Variants in RAPGEF1 observed in about 807,000 individuals in gnomAD.
RAPGEF1 encodes Rap guanine nucleotide exchange factor 1.
RAPGEF1 carries 33 observed loss-of-function variants against 143.3 expected under a neutral mutation model. The ratio of observed to expected loss-of-function variants is 0.23; its 90% CI spans 0.17 to 0.31. RAPGEF1 has a LOEUF of 0.31. Among genes scored for constraint, RAPGEF1 ranks in the 10% least tolerant of loss-of-function variants. RAPGEF1 has a pLI of 1.00. For missense variants in RAPGEF1, 1,199 were observed against 1,645.4 expected (o/e 0.73, Z 4.69); for synonymous variants, 629 against 676.5 (o/e 0.93, Z 1.09).
chr9:131,673,714 G>C (rs2130821482), intron 1 of RAPGEF1, among the ~76,000 whole-genome samples: 1 of 152,278 alleles, frequency 6.6e-6, no homozygotes, highest in Middle Eastern at 3.4e-3. Context: ...CCACCCAACA[G>C]AGAGGAAAGG....
At position 131,579,625 on chromosome 9, in the gene RAPGEF1, C is replaced by A. The variant is rs753363267; in HGVS notation, c.3664G>T (p.Asp1222Tyr). 6.2e-7 allele frequency: 1 copy of A among 1,614,002 alleles called. No homozygotes were observed. Among genetic ancestry groups the A allele is most frequent in the South Asian group, 1.1e-5 (1 of 91,078 alleles). ...QQAHYDMRRN[D>Y]DIINFFNDFS... ...TCATTGAAGAAGTTTATAATGTCGT[C>A]GTTCCTCCGCATGTCATAGTGCCTG... The change falls in exon 27 of 27, where the codon GAC becomes TAC. Residue 1222 changes from aspartate to tyrosine, a missense_variant. Physicochemically the swap from Asp to Tyr is radical, Grantham distance 160 (BLOSUM62 -3). Around this residue, in one of 6 missense-constraint regions of RAPGEF1, gnomAD observed 67 missense variants for 105.4 expected, o/e 0.64. Transcript: ENST00000683357.
intron 18 of RAPGEF1, among the ~76,000 whole-genome samples, chr9:131,590,985 CCA>C (rs1954131970): frequency 2.0e-5 from 3 of 152,182 alleles, no homozygotes; most frequent in South Asian, 2.1e-4. Context: ...TTATACACAC[CCA>C]CACACACATA....
chr9:131,642,705 T>C (rs533670971), intron 4 of RAPGEF1, among the ~76,000 whole-genome samples: 14 of 152,204 alleles, frequency 9.2e-5, no homozygotes, highest in African/African-American at 1.4e-4. Context: ...GCCTCCAGGC[T>C]GCTGTGTAAC....
chr9:131,628,760 T>G lies in RAPGEF1; in HGVS notation c.894-88A>C. 1 of 1,483,674 alleles carries G rather than the reference T, an allele frequency of 6.7e-7. No homozygotes were observed. Among genetic ancestry groups the G allele is most frequent in the East Asian group, 2.3e-5 (1 of 43,442 alleles). The allele number at this position is 1,483,674 out of a possible 1,614,324, so 91.9% of individuals were successfully genotyped here. ...ATTGGGGTACAGGATGTGGGGTTCT[T>G]TCATTACTAGACTCTCCACACCCAA... On this transcript the variant is annotated intron_variant, in intron 7 of 26. Coordinates refer to ENST00000683357, the MANE Select transcript of RAPGEF1 (RefSeq NM_001377935.1). The surrounding 1 kb of genome is among the most constrained non-coding windows in gnomAD (Gnocchi z 5.7).
At chr9:131,719,553 CTTTTTTTT>C (rs34413859) in intron 1 of RAPGEF1, among the ~76,000 whole-genome samples, 6 of 72,398 alleles carry the variant, frequency 8.3e-5, no homozygotes, top group African/African-American at 1.9e-4. Flanking sequence ...CCCTTCAGGG[CTTTTTTTT>C]TTTTTTTTTT....
chr9:131,605,308 C>G (rs747576935), intron 12 of RAPGEF1, 120 bp from the exon 13 acceptor site: 24 of 937,182 alleles, frequency 2.6e-5, no homozygotes, highest in Non-Finnish European at 3.4e-5. Context: ...GTCTAACGGG[C>G]CACCAATCAC....
At chr9:131,610,511 C>T (rs1443723844) in intron 12 of RAPGEF1, among the ~76,000 whole-genome samples, 5 of 152,306 alleles carry the variant, frequency 3.3e-5, no homozygotes, top group African/African-American at 4.8e-5. Flanking sequence ...AATCTTGGCT[C>T]AAGTAAGGCT....
rs1398499986 is a variant in RAPGEF1 at position 131,704,049 on chromosome 9, TTA to T, written c.61+35719_61+35720del. On this transcript the variant is annotated intron_variant, in intron 1 of 26. Transcript: ENST00000683357. ...AAGGGCTATAACCCCTTTATGTGAA[TTA>T]TCTCATTTAGTGCTCACGGTAGTCC... Among the ~76,000 whole-genome samples, 8 of 152,098 alleles carry T rather than the reference TTA, an allele frequency of 5.3e-5. 1 individual carries two copies. Among genetic ancestry groups the T allele is most frequent in the Admixed American group, 5.2e-4 (8 of 15,266 alleles).
At chr9:131,716,632 A>G (rs1186020346) in intron 1 of RAPGEF1, among the ~76,000 whole-genome samples, 1 of 152,108 alleles carries the variant, frequency 6.6e-6, no homozygotes, top group Non-Finnish European at 1.5e-5. Context: ...TTAGCTAAGC[A>G]TTGTGTTATG....
In RAPGEF1 at chr9:131,584,247, C is replaced by A. The variant is rs920758346; in HGVS notation, c.3414+64G>T. The A allele has an allele frequency of 3.5e-6, 5 of 1,427,858 alleles. No homozygotes were observed. The African/African-American group carries it at 4.3e-5, about 12-fold the overall frequency. 88.4% of individuals were successfully genotyped at this position (1,427,858 alleles called of 1,614,324 possible). A position where few individuals can be genotyped will look rare whatever the true frequency, so the allele number is the denominator to read the frequency against. On this transcript the variant is annotated intron_variant, in intron 24 of 26. Transcript: ENST00000683357. The surrounding 1 kb of genome is among the most constrained non-coding windows in gnomAD (Gnocchi z 6.8). ...GGGAGCACTTTCTGCCACAGCTAGT[C>A]GCCTGAGGGCTGGGCGGCCCCCCTT...
At chr9:131,604,587 T>C (rs1251265009) in intron 13 of RAPGEF1, among the ~76,000 whole-genome samples, 2 of 152,368 alleles carry the variant, frequency 1.3e-5, no homozygotes, top group Middle Eastern at 3.4e-3. Flanking sequence ...AACAGACAAG[T>C]AAATGGAAAG....
chr9:131,704,201 A>G (rs1834878547), intron 1 of RAPGEF1, among the ~76,000 whole-genome samples: 1 of 151,288 alleles, frequency 6.6e-6, no homozygotes, highest in African/African-American at 2.4e-5. Flanking sequence ...TGCAGCACCC[A>G]GCCCTTGTGC....
intron 17 of RAPGEF1, among the ~76,000 whole-genome samples, chr9:131,595,397 G>T (rs982940277): frequency 1.4e-4 from 22 of 152,224 alleles, no homozygotes; most frequent in African/African-American, 5.1e-4. Context: ...GAGTCACTCT[G>T]GGTCACATGT....
At position 131,650,662 on chromosome 9, in the gene RAPGEF1, A is replaced by G; in HGVS notation, c.201+148T>C. ...ACCATCCTAATGGTTCTTATTTTAC[A>G]AGGACACCAAAGGTCCCGCCCATGG... is the stretch of plus-strand genomic sequence containing the variant. On this transcript the variant is annotated intron_variant, in intron 2 of 26. Transcript: ENST00000683357. This position sits in a 1 kb window ranked among gnomAD's most constrained non-coding sequence, Gnocchi z 4.7. The G allele has an allele frequency of 8.2e-7, 1 of 1,222,320 alleles. No individual in the cohort carries two copies. The allele number at this position is 1,222,320 out of a possible 1,614,324, so 75.7% of individuals were successfully genotyped here. A position where few individuals can be genotyped will look rare whatever the true frequency, so the allele number is the denominator to read the frequency against.
chr9:131,594,851 G>C (rs1007507749), intron 17 of RAPGEF1, among the ~76,000 whole-genome samples: 6 of 152,240 alleles, frequency 3.9e-5, no homozygotes, highest in African/African-American at 1.4e-4. Flanking sequence ...CGACAGGACA[G>C]TGGAGTTCAC....
At chr9:131,728,270 T>G (rs1836802435) in intron 1 of RAPGEF1, among the ~76,000 whole-genome samples, 1 of 152,160 alleles carries the variant, frequency 6.6e-6, no homozygotes, top group Non-Finnish European at 1.5e-5. Flanking sequence ...ACGAGGACCT[T>G]GAATGTCTTG....
chr9:131,609,902 C>T (rs1957756184), intron 12 of RAPGEF1, among the ~76,000 whole-genome samples: 1 of 152,090 alleles, frequency 6.6e-6, no homozygotes, highest in Non-Finnish European at 1.5e-5. Context: ...TCTTTTTCTT[C>T]CTTTCTTTTT....
intron 19 of RAPGEF1, among the ~76,000 whole-genome samples, chr9:131,589,229 C>G (rs1383465258): frequency 6.6e-6 from 1 of 152,234 alleles, no homozygotes; most frequent in Non-Finnish European, 1.5e-5. Flanking sequence ...TGGACAAGCG[C>G]CAGTGACTGT....
At chr9:131,660,349 T>C (rs1973695196) in intron 1 of RAPGEF1, among the ~76,000 whole-genome samples, 1 of 152,052 alleles carries the variant, frequency 6.6e-6, no homozygotes, top group Non-Finnish European at 1.5e-5. Context: ...TTTCAAACAA[T>C]CTCATTATAA....
Sources: allele counts gnomAD v4.1 joint callset (sites outside exome capture counted in the v4.1 genomes callset), GRCh38; gene constraint gnomAD v4.1.1; regional missense constraint gnomAD v4.1.1; non-coding constraint Gnocchi (gnomAD v3.1); transcripts MANE v1.5; gene names NCBI Gene and HGNC (gene_info 2026-07-23, HGNC 2026-07-21).